RANBP2: variants seen among roughly 807,000 people sequenced by gnomAD.
The protein encoded by RANBP2 is E3 SUMO-protein ligase RanBP2.
A neutral mutation model predicts 303.6 loss-of-function variants in RANBP2; 57 were observed. The ratio of observed to expected loss-of-function variants is 0.19; its 90% confidence interval spans 0.15 to 0.23. The LOEUF (loss-of-function observed/expected upper bound fraction) is 0.23. Among genes scored for constraint, RANBP2 ranks in the 10% least tolerant of loss-of-function variants. The pLI is 1.00. For synonymous variants in RANBP2, 1,167 were observed against 1,301.5 expected, an observed-to-expected ratio of 0.90 and a Z score of 2.23; for missense variants, 3,138 against 3,780.8, an observed-to-expected ratio of 0.83 and a Z score of 4.46.
the RANBP2 span, among the ~76,000 whole-genome samples, chr2:109,290,360 T>C: frequency 1.3e-5 from 2 of 152,232 alleles, no homozygotes; most frequent in Admixed American, 6.5e-5. Flanking sequence ...TAAGAGAAAT[T>C]AGTGTGATCA....
chr2:108,986,406 C>G, the RANBP2 span, among the ~76,000 whole-genome samples: 2 of 151,982 alleles, frequency 1.3e-5, no homozygotes, highest in African/African-American at 4.8e-5. Flanking sequence ...TTACTCCACT[C>G]TTATTTTTAT....
At chr2:109,574,887 T>C in the RANBP2 span, 1 of 577,324 alleles carries the variant, frequency 1.7e-6, no homozygotes, top group African/African-American at 1.9e-5. Context: ...ATATCTATGC[T>C]GAACAGATTA....
the RANBP2 span, among the ~76,000 whole-genome samples, chr2:109,429,686 G>A: frequency 6.6e-6 from 1 of 152,224 alleles, no homozygotes; most frequent in East Asian, 1.9e-4. Flanking sequence ...GCCCAGCCCT[G>A]GCCCTACCCC....
chr2:109,614,508 T>A, the RANBP2 span: 2 of 1,257,464 alleles, frequency 1.6e-6, no homozygotes, highest in Non-Finnish European at 2.0e-6. Flanking sequence ...GCCGGCAGAG[T>A]GGGGCCCCGA....
chr2:108,966,310 C>T, the RANBP2 span, among the ~76,000 whole-genome samples: 2 of 152,212 alleles, frequency 1.3e-5, no homozygotes, highest in Admixed American at 6.5e-5. Flanking sequence ...TTGCAATTAA[C>T]ACATGAACTT....
the RANBP2 span, among the ~76,000 whole-genome samples, chr2:109,075,851 A>G: frequency 6.6e-6 from 1 of 150,492 alleles, no homozygotes; most frequent in Non-Finnish European, 1.5e-5. Context: ...AAAAAAGAAA[A>G]ATCGATGGCT....
intron 6 of RANBP2, among the ~76,000 whole-genome samples, chr2:108,737,974 A>G (rs952523399): frequency 3.4e-4 from 51 of 150,690 alleles, no homozygotes; most frequent in Middle Eastern, 3.6e-3. Flanking sequence ...TCGGCCTCCC[A>G]AAGTGTTGGG....
intron 17 of RANBP2, among the ~76,000 whole-genome samples, chr2:108,755,992 G>C (rs1296444843): frequency 1.3e-5 from 2 of 152,150 alleles, no homozygotes; most frequent in Non-Finnish European, 2.9e-5. Flanking sequence ...CCAAAGTGCT[G>C]GGATTACAGG....
chr2:109,140,000 A>G, the RANBP2 span, among the ~76,000 whole-genome samples: 1 of 152,202 alleles, frequency 6.6e-6, no homozygotes, highest in South Asian at 2.1e-4. Context: ...TTTATTGATC[A>G]GAGGTAGTGA....
chr2:109,707,298 C>A, the RANBP2 span, among the ~76,000 whole-genome samples: 1 of 152,094 alleles, frequency 6.6e-6, no homozygotes, highest in Non-Finnish European at 1.5e-5. Flanking sequence ...ACAAAAAGAA[C>A]CCAACTGGCT....
chr2:109,537,136 G>C, the RANBP2 span, among the ~76,000 whole-genome samples: 1 of 152,188 alleles, frequency 6.6e-6, no homozygotes, highest in Non-Finnish European at 1.5e-5. Context: ...CAAAGAAGAA[G>C]GTTTTCAATA....
the RANBP2 span, among the ~76,000 whole-genome samples, chr2:109,454,066 A>G: frequency 6.6e-6 from 1 of 152,256 alleles, no homozygotes; most frequent in Non-Finnish European, 1.5e-5. Context: ...ACTATCGTAT[A>G]ATAATCATAT....
chr2:109,550,475 G>A, the RANBP2 span, among the ~76,000 whole-genome samples: 3 of 151,576 alleles, frequency 2.0e-5, no homozygotes, highest in Admixed American at 6.6e-5. Context: ...CACCATGCCT[G>A]GCTAATTTTT....
the RANBP2 span, among the ~76,000 whole-genome samples, chr2:109,692,377 G>A: frequency 6.6e-6 from 1 of 152,186 alleles, no homozygotes; most frequent in Non-Finnish European, 1.5e-5. Context: ...GGTTACGGTG[G>A]TGGCAGATGC....
At chr2:109,713,205 G>T in the RANBP2 span, among the ~76,000 whole-genome samples, 1 of 152,152 alleles carries the variant, frequency 6.6e-6, no homozygotes, top group South Asian at 2.1e-4. Context: ...CTTCGTGGAG[G>T]AGAGATGGTG....
chr2:108,722,546 C>T (rs1049080440), intron 1 of RANBP2, among the ~76,000 whole-genome samples: 3 of 151,040 alleles, frequency 2.0e-5, no homozygotes, highest in African/African-American at 4.9e-5. Flanking sequence ...TGTGATGATG[C>T]GTCTGTATAT....
intron 1 of RANBP2, among the ~76,000 whole-genome samples, chr2:108,721,729 G>C (rs1000423600): frequency 4.6e-5 from 7 of 151,972 alleles, no homozygotes; most frequent in African/African-American, 1.7e-4. Flanking sequence ...TTATAGGCGT[G>C]AGCCACTGCA....
At chr2:108,815,243 AT>A in the RANBP2 span, among the ~76,000 whole-genome samples, 2 of 151,796 alleles carry the variant, frequency 1.3e-5, no homozygotes, top group Non-Finnish European at 2.9e-5. Flanking sequence ...GAAACCATTA[AT>A]TTTTTTTAGA....
chr2:109,537,763 G>A, the RANBP2 span, among the ~76,000 whole-genome samples: 1 of 151,988 alleles, frequency 6.6e-6, no homozygotes, highest in Non-Finnish European at 1.5e-5. Flanking sequence ...CTGGGCAACG[G>A]GGCGAAACCC....
Sources: gnomAD v4.1 joint callset for allele counts (sites outside exome capture counted in the v4.1 genomes callset) on GRCh38, gnomAD v4.1.1 for gene constraint, MANE v1.5 for transcripts, NCBI Gene and HGNC (gene_info 2026-07-23, HGNC 2026-07-21) for gene names.